Variants in HMGCLL1 observed in about 807,000 individuals in gnomAD.
HMGCLL1 encodes 3-hydroxymethyl-3-methylglutaryl-CoA lyase, cytoplasmic.
HMGCLL1 carries 36 observed loss-of-function variants against 39.1 expected under a neutral mutation model. The observed-to-expected ratio is 0.92, with a 90% confidence interval of 0.71 to 1.22. The LOEUF (loss-of-function observed/expected upper bound fraction) is 1.22, where lower values mean the gene tolerates loss of function less well. Among genes scored for constraint, HMGCLL1 ranks in the 50% most tolerant of loss-of-function variants. HMGCLL1 has a pLI of 0.00. For synonymous variants in HMGCLL1, 149 were observed against 144.0 expected (o/e 1.03, Z -0.25); for missense variants, 451 against 416.5 (o/e 1.08, Z -0.72).
intron 1 of HMGCLL1, among the ~76,000 whole-genome samples, chr6:55,569,943 C>T (rs1429412906): frequency 2.0e-5 from 3 of 152,004 alleles, no homozygotes; most frequent in African/African-American, 7.3e-5. Flanking sequence ...GCATGTAAGT[C>T]AAGTCAAATC....
chr6:55,477,406 T>A (rs1346279294), intron 7 of HMGCLL1, among the ~76,000 whole-genome samples: 1 of 26,380 alleles, frequency 3.8e-5, no homozygotes, highest in Non-Finnish European at 5.4e-5. Context: ...ATATATTATC[T>A]AAATATATAT....
At chr6:55,669,574 A>G in the HMGCLL1 span, among the ~76,000 whole-genome samples, 1 of 151,914 alleles carries the variant, frequency 6.6e-6, no homozygotes, top group Admixed American at 6.6e-5. Context: ...GCTTTAAAAT[A>G]CCTATTATAA....
chr6:55,521,167 T>TC (rs780336073), intron 3 of HMGCLL1, among the ~76,000 whole-genome samples: 14 of 152,098 alleles, frequency 9.2e-5, no homozygotes, highest in Non-Finnish European at 1.9e-4. Context: ...TTCAATATGT[T>TC]CCCCAGACAA....
chr6:55,478,778 A>T (rs899687105), intron 7 of HMGCLL1, among the ~76,000 whole-genome samples: 1 of 151,366 alleles, frequency 6.6e-6, no homozygotes, highest in African/African-American at 2.4e-5. Flanking sequence ...CAGCTTGTTG[A>T]TCTAATTACC....
At chr6:55,487,835 AT>A (rs1204372129) in intron 7 of HMGCLL1, among the ~76,000 whole-genome samples, 3 of 151,218 alleles carry the variant, frequency 2.0e-5, no homozygotes. Context: ...TTAAAAAAAA[AT>A]AAAATAAAGA....
intron 7 of HMGCLL1, among the ~76,000 whole-genome samples, chr6:55,463,497 A>C (rs1764673509): frequency 6.6e-6 from 1 of 152,222 alleles, no homozygotes; most frequent in Admixed American, 6.5e-5. Flanking sequence ...TACTAAAGAG[A>C]ATATTCCAGA....
intron 3 of HMGCLL1, among the ~76,000 whole-genome samples, chr6:55,529,503 A>G (rs926992271): frequency 6.6e-6 from 1 of 152,068 alleles, no homozygotes; most frequent in African/African-American, 2.4e-5. Context: ...GCTGTGGAAA[A>G]AAAAGGGTCT....
At chr6:55,602,189 T>C in the HMGCLL1 span, among the ~76,000 whole-genome samples, 1 of 152,028 alleles carries the variant, frequency 6.6e-6, no homozygotes, top group East Asian at 1.9e-4. Context: ...TAGTGGGGAG[T>C]AGAGGTGGCA....
intron 1 of HMGCLL1, among the ~76,000 whole-genome samples, chr6:55,549,341 C>T (rs1463977455): frequency 2.7e-5 from 4 of 149,876 alleles, no homozygotes; most frequent in South Asian, 2.1e-4. Context: ...TTGAAAACTA[C>T]GAAAATTGTT....
the HMGCLL1 span, among the ~76,000 whole-genome samples, chr6:55,661,783 G>A: frequency 2.6e-5 from 4 of 151,800 alleles, no homozygotes; most frequent in Non-Finnish European, 5.9e-5. Context: ...GAATAGCATT[G>A]AATCTGTAAA....
chr6:55,481,352 C>A (rs974659942), intron 7 of HMGCLL1, among the ~76,000 whole-genome samples: 3 of 152,002 alleles, frequency 2.0e-5, no homozygotes, highest in South Asian at 4.2e-4. Flanking sequence ...CAAAGTGAGA[C>A]CCTGTCTCAA....
chr6:55,530,994 G>A (rs548556072), intron 3 of HMGCLL1, among the ~76,000 whole-genome samples: 13 of 152,266 alleles, frequency 8.5e-5, no homozygotes, highest in African/African-American at 2.9e-4. Context: ...CAAGGATAAT[G>A]TATTCTTGAA....
rs930768439 is a variant in HMGCLL1, at chr6:55,439,452, A to G, written c.903T>C (p.Asn301=). ...VATEDLIYML[N]GLGLNTGVNL... Reference sequence around the variant, plus strand: ...AACTTACTGTATTGAGCCCCAGGCCATTAAGCATATATATCAAATCCTCAG... The same window carrying G: ...AACTTACTGTATTGAGCCCCAGGCCGTTAAGCATATATATCAAATCCTCAG... The change falls in exon 8 of 9, where the codon AAT becomes AAC. Residue 301 remains asparagine (N), a synonymous_variant. Coordinates refer to ENST00000274901, the MANE Select transcript of HMGCLL1 (RefSeq NM_001042406.2). 8 of 1,612,700 alleles carry G rather than the reference A, an allele frequency of 5.0e-6. No homozygotes were observed. The highest frequency in any genetic ancestry group is 5.9e-6 in the Non-Finnish European group (7 of 1,179,050).
intron 1 of HMGCLL1, among the ~76,000 whole-genome samples, chr6:55,570,428 G>A (rs1219537246): frequency 6.6e-6 from 1 of 152,094 alleles, no homozygotes; most frequent in African/African-American, 2.4e-5. Context: ...AATTAAGGAT[G>A]GCATCTTTAA....
At chr6:55,523,200 C>T (rs1460852978) in intron 3 of HMGCLL1, among the ~76,000 whole-genome samples, 1 of 151,900 alleles carries the variant, frequency 6.6e-6, no homozygotes, top group Non-Finnish European at 1.5e-5. Context: ...TGTTTCCCTA[C>T]CTTGCCCTCT....
At chr6:55,566,748 T>C in intron 1 of HMGCLL1, 1 of 381,708 alleles carries the variant, frequency 2.6e-6, no homozygotes, top group Non-Finnish European at 5.3e-6. Context: ...TTTACAACAG[T>C]AGCCAAGAAA....
At chr6:55,534,690 A>C (rs1157585278) in intron 3 of HMGCLL1, among the ~76,000 whole-genome samples, 1 of 152,156 alleles carries the variant, frequency 6.6e-6, no homozygotes. Context: ...GTACCTAAGA[A>C]ACCTCTAGCT....
chr6:55,477,381 TTATCTAAATATAA>T (rs1765480298), intron 7 of HMGCLL1, among the ~76,000 whole-genome samples: 2 of 36,954 alleles, frequency 5.4e-5, no homozygotes, highest in African/African-American at 2.7e-4. Flanking sequence ...ATAATATATA[TTATCTAAATATAA>T]TATATATTAT....
At chr6:55,588,030 A>T in the HMGCLL1 span, among the ~76,000 whole-genome samples, 442 of 152,300 alleles carry the variant, frequency 2.9e-3, no homozygotes, top group Admixed American at 3.9e-3. Context: ...CCAGGAATTG[A>T]ACTCAGCTCT....
Sources: allele counts gnomAD v4.1 joint callset (sites outside exome capture counted in the v4.1 genomes callset), GRCh38; gene constraint gnomAD v4.1.1; transcripts MANE v1.5; gene names NCBI Gene and HGNC (gene_info 2026-07-23, HGNC 2026-07-21).